PLEKHM3: variants seen among roughly 807,000 people sequenced by gnomAD.
PLEKHM3 encodes pleckstrin homology domain-containing family M member 3.
In PLEKHM3, 45 loss-of-function variants were observed where a neutral mutation model predicts 81.8. The observed-to-expected ratio is 0.55, with a 90% CI of 0.43 to 0.71. The LOEUF is 0.71. Among genes scored for constraint, PLEKHM3 ranks in the 30% least tolerant of loss-of-function variants. The pLI is 0.00. For synonymous variants in PLEKHM3, 352 were observed against 356.4 expected (o/e 0.99, Z 0.14); for missense variants, 788 against 924.3 (o/e 0.85, Z 1.91).
chr2:207,956,690 T>G (rs1690521715), intron 3 of PLEKHM3, among the ~76,000 whole-genome samples: 1 of 144,068 alleles, frequency 6.9e-6, no homozygotes, highest in Admixed American at 7.1e-5. Flanking sequence ...AGGTTACAGG[T>G]GCATGCCACC....
intron 6 of PLEKHM3, among the ~76,000 whole-genome samples, chr2:207,884,982 C>T (rs537292281): frequency 4.6e-5 from 7 of 152,116 alleles, no homozygotes; most frequent in South Asian, 2.1e-4. Flanking sequence ...AAACTGAGTT[C>T]GTTGGGTAGA....
intron 3 of PLEKHM3, among the ~76,000 whole-genome samples, chr2:207,967,493 G>A (rs1051809734): frequency 1.3e-5 from 2 of 152,114 alleles, no homozygotes; most frequent in East Asian, 1.9e-4. Context: ...CTAGCTTAAC[G>A]TTTCAGAATC....
At chr2:207,880,993 AG>A (rs1410634185) in intron 6 of PLEKHM3, among the ~76,000 whole-genome samples, 1 of 151,656 alleles carries the variant, frequency 6.6e-6, no homozygotes, top group African/African-American at 2.4e-5. Context: ...AACTTTGAAA[AG>A]GTTCAGAATA....
chr2:208,005,181 C>G (rs1376190515), intron 1 of PLEKHM3, among the ~76,000 whole-genome samples: 1 of 152,130 alleles, frequency 6.6e-6, no homozygotes, highest in Non-Finnish European at 1.5e-5. Context: ...TCCTATATAC[C>G]CCATGCTCAG....
intron 5 of PLEKHM3, among the ~76,000 whole-genome samples, chr2:207,927,268 C>T (rs1006045520): frequency 1.3e-5 from 2 of 152,142 alleles, no homozygotes; most frequent in African/African-American, 4.8e-5. Context: ...TGGATAAACT[C>T]ATTACATATA....
chr2:207,911,073 G>C (rs1688795171), intron 5 of PLEKHM3, among the ~76,000 whole-genome samples: 1 of 152,136 alleles, frequency 6.6e-6, no homozygotes, highest in African/African-American at 2.4e-5. Flanking sequence ...GGAACAGCAA[G>C]CATGGACCTG....
At chr2:207,972,384 CGA>C (rs1691155272) in intron 3 of PLEKHM3, among the ~76,000 whole-genome samples, 1 of 151,812 alleles carries the variant, frequency 6.6e-6, no homozygotes, top group African/African-American at 2.4e-5. Context: ...GTCAGGAGTT[CGA>C]GACCAGCTTG....
intron 5 of PLEKHM3, among the ~76,000 whole-genome samples, chr2:207,919,454 G>C (rs1298504082): frequency 6.6e-6 from 1 of 152,214 alleles, no homozygotes; most frequent in Admixed American, 6.5e-5. Context: ...AGGGGGATAA[G>C]GGTGGTGCAG....
At chr2:207,980,220 G>A (rs1376066640) in intron 2 of PLEKHM3, among the ~76,000 whole-genome samples, 1 of 152,102 alleles carries the variant, frequency 6.6e-6, no homozygotes, top group Non-Finnish European at 1.5e-5. Flanking sequence ...ATCTCCCTGT[G>A]AGCTTTTAAT....
intron 4 of PLEKHM3, among the ~76,000 whole-genome samples, chr2:207,933,376 A>G (rs1294656665): frequency 6.6e-6 from 1 of 152,272 alleles, no homozygotes; most frequent in African/African-American, 2.4e-5. Context: ...TTTATTTATC[A>G]TGATTAAATA....
chr2:207,951,495 CA>C (rs1326040071), intron 3 of PLEKHM3, among the ~76,000 whole-genome samples: 1 of 152,134 alleles, frequency 6.6e-6, no homozygotes, highest in Non-Finnish European at 1.5e-5. Context: ...TTCATAGGAA[CA>C]AAAAACTATC....
intron 4 of PLEKHM3, among the ~76,000 whole-genome samples, chr2:207,931,785 C>T (rs1427040715): frequency 6.6e-6 from 1 of 152,006 alleles, no homozygotes; most frequent in Non-Finnish European, 1.5e-5. Context: ...CCAGCCTGGC[C>T]GACATGGCGA....
chr2:207,881,143 G>A (rs983858781), intron 6 of PLEKHM3, among the ~76,000 whole-genome samples: 1 of 151,880 alleles, frequency 6.6e-6, no homozygotes, highest in Non-Finnish European at 1.5e-5. Flanking sequence ...TACAAAATTG[G>A]AAACCTAAAT....
intron 7 of PLEKHM3, among the ~76,000 whole-genome samples, chr2:207,841,333 T>G (rs1418242459): frequency 1.3e-5 from 2 of 150,588 alleles, no homozygotes; most frequent in Non-Finnish European, 3.0e-5. Context: ...GGCTTGGTGA[T>G]GTTCACTTGT....
intron 6 of PLEKHM3, among the ~76,000 whole-genome samples, chr2:207,861,581 A>G (rs1195470141): frequency 6.6e-6 from 1 of 152,210 alleles, no homozygotes; most frequent in African/African-American, 2.4e-5. Context: ...GTGTGGTATA[A>G]GAGGAGTGTG....
In PLEKHM3 at chr2:207,823,452, C is replaced by T. The variant is rs532130013; in HGVS notation, c.*4867G>A. 12 of 152,318 alleles carry T rather than the reference C, an allele frequency of 7.9e-5. No homozygotes were observed. Among genetic ancestry groups the T allele is most frequent in the African/African-American group, 2.9e-4 (12 of 41,560 alleles). 9.4% of individuals were successfully genotyped at this position (152,318 alleles called of 1,614,324 possible). On this transcript the variant is annotated 3_prime_UTR_variant, in exon 8 of 8. Transcript: ENST00000427836. ...AAGTAGCTGGGATTATAGGCATCCACCAAAACACTCAGCTAATTTTTGTAT... is the reference window on the plus strand; with the variant it reads ...AAGTAGCTGGGATTATAGGCATCCATCAAAACACTCAGCTAATTTTTGTAT...
intron 3 of PLEKHM3, among the ~76,000 whole-genome samples, chr2:207,962,688 G>A (rs1039115504): frequency 5.9e-5 from 9 of 152,234 alleles, no homozygotes; most frequent in East Asian, 3.9e-4. Flanking sequence ...TGCTAATTCC[G>A]GGTGGTCAGT....
At chr2:207,871,612 T>C (rs2092535026) in intron 6 of PLEKHM3, among the ~76,000 whole-genome samples, 1 of 152,224 alleles carries the variant, frequency 6.6e-6, no homozygotes. Context: ...GGCACATTTC[T>C]TATCCAGAAA....
At chr2:208,017,232 C>T (rs930639614) in intron 1 of PLEKHM3, among the ~76,000 whole-genome samples, 11 of 152,162 alleles carry the variant, frequency 7.2e-5, no homozygotes, top group African/African-American at 2.7e-4. Flanking sequence ...ATAACTGTCT[C>T]ACCTTTTTTG....
Sources: gnomAD v4.1 joint callset for allele counts (sites outside exome capture counted in the v4.1 genomes callset) on GRCh38, gnomAD v4.1.1 for gene constraint, MANE v1.5 for transcripts, NCBI Gene and HGNC (gene_info 2026-07-23, HGNC 2026-07-21) for gene names.